Variants in HSPA12A observed in about 807,000 individuals in gnomAD.
HSPA12A encodes heat shock 70 kDa protein 12A.
In HSPA12A, 28 loss-of-function variants were observed where a neutral mutation model predicts 69.2. That is an observed-to-expected ratio of 0.40 (90% confidence interval 0.30 to 0.55). The LOEUF is 0.55. HSPA12A is among the 20% of genes least tolerant of loss of function. The pLI, the probability that HSPA12A is intolerant of heterozygous loss-of-function variation, is 0.38. For synonymous variants in HSPA12A, 345 were observed against 370.5 expected (o/e 0.93, Z 0.79); for missense variants, 686 against 900.7 (o/e 0.76, Z 3.05).
rs1554878297 is a variant in HSPA12A at position 116,679,656 on chromosome 10, G to C, written c.1133C>G (p.Ala378Gly). ...AAACGCAATCATTAAGTCAACCCAG[G>C]CTGCAGGGCGTTTGATTTTGAATTG... is the stretch of plus-strand genomic sequence containing the variant. ...IEQFKIKRPA[A>G]WVDLMIAFES... Residue 378 changes from alanine to glycine, a missense_variant, in exon 10 of 12, where the codon GCC becomes GGC. Physicochemically the swap from Ala to Gly is moderately conservative, Grantham distance 60 (BLOSUM62 0). Transcript: ENST00000369209. The C allele has an allele frequency of 1.2e-6, 2 of 1,614,206 alleles. No individual in the cohort carries two copies. The highest frequency in any genetic ancestry group is 1.7e-6 in the Non-Finnish European group (2 of 1,180,036).
chr10:116,697,206 C>T (rs1306754545), intron 5 of HSPA12A, among the ~76,000 whole-genome samples: 1 of 152,218 alleles, frequency 6.6e-6, no homozygotes, highest in Non-Finnish European at 1.5e-5. Context: ...AGTGGTCACA[C>T]AATACCAAAT....
intron 1 of HSPA12A, among the ~76,000 whole-genome samples, chr10:116,845,217 TGC>T (rs1163904489): frequency 6.6e-6 from 1 of 152,172 alleles, no homozygotes; most frequent in African/African-American, 2.4e-5. Flanking sequence ...AAAATATAAA[TGC>T]CTCTAGAAAC....
At chr10:116,741,278 G>A (rs58228014) in intron 1 of HSPA12A, among the ~76,000 whole-genome samples, 3,039 of 152,372 alleles carry the variant, frequency 0.02, 100 homozygotes, top group African/African-American at 0.069. Context: ...GGGGCCGCAG[G>A]CCCGACAGCA....
At chr10:116,730,820 G>A (rs1465746646) in intron 1 of HSPA12A, among the ~76,000 whole-genome samples, 3 of 152,276 alleles carry the variant, frequency 2.0e-5, no homozygotes, top group Non-Finnish European at 4.4e-5. Flanking sequence ...CAGACAGACT[G>A]AGGCTGTGGG....
At chr10:116,761,354 C>T (rs9421239) in intron 2 of HSPA12A, among the ~76,000 whole-genome samples, 11,834 of 151,882 alleles carry the variant, frequency 0.078, 497 homozygotes, top group African/African-American at 0.095. Flanking sequence ...GGCATAGTGG[C>T]GCACACCTGT....
At chr10:116,838,940 G>A (rs1845761297) in intron 1 of HSPA12A, among the ~76,000 whole-genome samples, 1 of 152,138 alleles carries the variant, frequency 6.6e-6, no homozygotes, top group Admixed American at 6.6e-5. Context: ...ATTTCAACCT[G>A]AGCACCTTAT....
At chr10:116,727,049 G>GACATT (rs1850987446) in intron 1 of HSPA12A, among the ~76,000 whole-genome samples, 3 of 152,142 alleles carry the variant, frequency 2.0e-5, no homozygotes, top group Admixed American at 1.3e-4. Flanking sequence ...ATTTTGCCAA[G>GACATT]AACAGACATT....
chr10:116,752,590 C>T (rs1437032115), intron 2 of HSPA12A, among the ~76,000 whole-genome samples: 6 of 152,182 alleles, frequency 3.9e-5, no homozygotes, highest in Admixed American at 3.9e-4. Context: ...AACCAGTACC[C>T]TCATGTATGA....
upstream of HSPA12A, among the ~76,000 whole-genome samples, chr10:116,746,047 A>T (rs555086806): frequency 6.6e-6 from 1 of 151,950 alleles, no homozygotes; most frequent in East Asian, 1.9e-4. Flanking sequence ...GAGCCCCCAG[A>T]CCCTAGGATG....
chr10:116,807,637 G>C (rs550501068), intron 2 of HSPA12A, among the ~76,000 whole-genome samples: 3 of 152,320 alleles, frequency 2.0e-5, no homozygotes, highest in Non-Finnish European at 2.9e-5. Flanking sequence ...TTCTCTATGA[G>C]ATAAGGGTTC....
At chr10:116,849,909 G>A (rs1846020386), upstream of HSPA12A, 2 of 772,200 alleles carry the variant, frequency 2.6e-6, no homozygotes, top group Non-Finnish European at 4.5e-6. Context: ...ACACCCAGGG[G>A]TGAAGGGATC....
At chr10:116,749,300 C>T (rs1383675702) in intron 2 of HSPA12A, among the ~76,000 whole-genome samples, 1 of 152,214 alleles carries the variant, frequency 6.6e-6, no homozygotes, top group Non-Finnish European at 1.5e-5. Context: ...TGAGAATGAA[C>T]ATTTATCAAG....
intron 2 of HSPA12A, among the ~76,000 whole-genome samples, chr10:116,769,484 G>A (rs1423724855): frequency 5.9e-5 from 9 of 152,148 alleles, no homozygotes; most frequent in East Asian, 1.9e-4. Flanking sequence ...GCTGGGGCCC[G>A]GGGTGGCGAA....
intron 2 of HSPA12A, among the ~76,000 whole-genome samples, chr10:116,750,972 GAGGA>G (rs1264823871): frequency 6.6e-6 from 1 of 151,564 alleles, no homozygotes; most frequent in Non-Finnish European, 1.5e-5. Flanking sequence ...GATGAAGAAA[GAGGA>G]AGGAAGAAGG....
chr10:116,684,419 G>A (rs1319475416), intron 6 of HSPA12A, among the ~76,000 whole-genome samples: 1 of 152,130 alleles, frequency 6.6e-6, no homozygotes, highest in Non-Finnish European at 1.5e-5. Flanking sequence ...TATACCACAC[G>A]GTCTGACCAA....
upstream of HSPA12A, chr10:116,850,085 A>G (rs1284685051): frequency 1.9e-5 from 8 of 425,280 alleles, no homozygotes; most frequent in Middle Eastern, 3.3e-4. Context: ...CATTTTTAAC[A>G]CATACCTTAA....
intron 2 of HSPA12A, among the ~76,000 whole-genome samples, chr10:116,782,732 G>A (rs1243806223): frequency 1.3e-5 from 2 of 152,310 alleles, no homozygotes; most frequent in Middle Eastern, 3.4e-3. Context: ...TGCTATTCAG[G>A]GTAGGGGCTG....
chr10:116,743,412 G>A (rs1450865196), upstream of HSPA12A, among the ~76,000 whole-genome samples: 1 of 152,242 alleles, frequency 6.6e-6, no homozygotes, highest in Non-Finnish European at 1.5e-5. Context: ...AGGAATCCGA[G>A]GAGCACCGTC....
At chr10:116,784,061 GATCTC>G (rs1332054406) in intron 2 of HSPA12A, among the ~76,000 whole-genome samples, 6 of 152,206 alleles carry the variant, frequency 3.9e-5, no homozygotes, top group African/African-American at 1.4e-4. Flanking sequence ...GTATCCAAAA[GATCTC>G]ACTGGAAGGA....
Sources: allele counts gnomAD v4.1 joint callset (sites outside exome capture counted in the v4.1 genomes callset), GRCh38; gene constraint gnomAD v4.1.1; transcripts MANE v1.5; gene names NCBI Gene and HGNC (gene_info 2026-07-23, HGNC 2026-07-21).